The following PI4KA variants were observed in gnomAD, a reference collection of about 807,000 sequenced individuals.
PI4KA encodes PI4-kinase alpha.
PI4KA carries 122 observed loss-of-function variants against 271.4 expected under a neutral mutation model. That is an observed-to-expected ratio of 0.45 (90% confidence interval 0.39 to 0.52). The LOEUF is 0.52. PI4KA is among the 20% of genes least tolerant of loss of function. The probability of loss-of-function intolerance (pLI) is 0.00; values close to 1 mark genes in which losing one functional copy is unlikely to be tolerated. For missense variants in PI4KA, 1,969 were observed against 2,769.1 expected (o/e 0.71, Z 6.48); for synonymous variants, 1,041 against 1,078.8 (o/e 0.96, Z 0.69).
At chr22:20,836,936 T>C (rs1231325239) in intron 2 of PI4KA, among the ~76,000 whole-genome samples, 1 of 152,234 alleles carries the variant, frequency 6.6e-6, no homozygotes, top group Non-Finnish European at 1.5e-5. Context: ...TCAAGAAACG[T>C]GTTTGCCAAA....
chr22:20,779,780 T>C lies in PI4KA; in HGVS notation c.2328+13413A>G, dbSNP rs758339780. 1.9e-6 allele frequency: 3 copies of C among 1,614,114 alleles called. No homozygotes were observed. The African/African-American group carries it at 4.0e-5, about 22-fold the overall frequency. On this transcript the variant is annotated intron_variant, in intron 19 of 54. Coordinates refer to ENST00000255882, the MANE Select transcript of PI4KA (RefSeq NM_058004.4). ...TCGATAACATCTTCATAGCACCCGT[T>C]GGCATTTCTACTGCGATGGGTATGA...
chr22:20,848,047 G>C (rs1926488122), intron 1 of PI4KA, among the ~76,000 whole-genome samples: 1 of 152,010 alleles, frequency 6.6e-6, no homozygotes, highest in Non-Finnish European at 1.5e-5. Context: ...AGACCAGCCT[G>C]GCCAACATGG....
chr22:20,756,575 T>C (rs868301885), intron 23 of PI4KA, among the ~76,000 whole-genome samples: 2 of 152,158 alleles, frequency 1.3e-5, no homozygotes, highest in Admixed American at 6.5e-5. Context: ...AAATTCCTGA[T>C]AATCAGATAG....
At chr22:20,824,495 C>G (rs758647114) in intron 3 of PI4KA, 81 bp from the exon 4 acceptor site, 5 of 952,288 alleles carry the variant, frequency 5.3e-6, no homozygotes, top group Non-Finnish European at 8.0e-6. Context: ...TCAATATGTT[C>G]CCTCTCACCA....
chr22:20,784,162 A>C, intron 19 of PI4KA: 3 of 1,614,212 alleles, frequency 1.9e-6, no homozygotes, highest in Non-Finnish European at 2.5e-6. Flanking sequence ...TTGTGGTCCC[A>C]CACAAGATGT....
chr22:20,763,189 T>C (rs1181521906), intron 22 of PI4KA, among the ~76,000 whole-genome samples: 1 of 150,988 alleles, frequency 6.6e-6, no homozygotes, highest in African/African-American at 2.4e-5. Flanking sequence ...CTTGGCTCAC[T>C]GCAACCTCCA....
intron 2 of PI4KA, among the ~76,000 whole-genome samples, chr22:20,836,971 GAAC>G (rs1924942418): frequency 6.6e-6 from 1 of 151,928 alleles, no homozygotes; most frequent in Non-Finnish European, 1.5e-5. Flanking sequence ...ATCCACATTT[GAAC>G]AACAATAGTT....
intron 28 of PI4KA, among the ~76,000 whole-genome samples, chr22:20,747,983 G>A (rs888512699): frequency 3.3e-5 from 5 of 152,134 alleles, no homozygotes; most frequent in African/African-American, 2.4e-5. Flanking sequence ...TGATCCTCCC[G>A]CCTCAGCATC....
At chr22:20,748,130 C>CAGTGGGA (rs1930308718) in intron 28 of PI4KA, among the ~76,000 whole-genome samples, 1 of 152,218 alleles carries the variant, frequency 6.6e-6, no homozygotes, top group East Asian at 1.9e-4. Context: ...TCTGCCCCTC[C>CAGTGGGA]CTAACTAGCT....
At chr22:20,824,165 G>C (rs1368115001) in intron 4 of PI4KA, among the ~76,000 whole-genome samples, 161 bp downstream of exon 4, 1 of 151,354 alleles carries the variant, frequency 6.6e-6, no homozygotes, top group East Asian at 1.9e-4. Flanking sequence ...AAAGAGTAGT[G>C]AAAGACCTAA....
intron 43 of PI4KA, among the ~76,000 whole-genome samples, chr22:20,720,215 A>G (rs1926570974): frequency 6.6e-6 from 1 of 152,148 alleles, no homozygotes; most frequent in Non-Finnish European, 1.5e-5. Flanking sequence ...TGCGACGTAG[A>G]CAGACTTGAA....
At chr22:20,755,715 T>C (rs904317936) in intron 23 of PI4KA, among the ~76,000 whole-genome samples, 1 of 151,166 alleles carries the variant, frequency 6.6e-6, no homozygotes, top group African/African-American at 2.4e-5. Context: ...GGCATGAGAA[T>C]CACTTGAGCC....
Position 20,747,695 on chromosome 22 carries a change from A to G in PI4KA, c.3251T>C (p.Leu1084Pro). The G allele has an allele frequency of 1.9e-6, 3 of 1,612,884 alleles. No individual in the cohort carries two copies. Among genetic ancestry groups the G allele is most frequent in the Non-Finnish European group, 2.5e-6 (3 of 1,179,044 alleles). The change falls in exon 29 of 55, where the codon CTG becomes CCG. Residue 1084 changes from leucine (L) to proline (P), a missense_variant. Leu to Pro is a moderately conservative substitution (Grantham distance 98, BLOSUM62 -3). This residue lies in a region of PI4KA where 368 missense variants were observed against 544.3 expected (regional missense o/e 0.68). Transcript: ENST00000255882. ...CGATACCCAGTTCTGATGTTTGTTC[A>G]GATATTCCTGAAATAGGAAAAACAC... ...TVTKSHLQEY[L>P]NKHQNWVSGL...
At chr22:20,850,207 C>T (rs190982980) in intron 1 of PI4KA, among the ~76,000 whole-genome samples, 1 of 152,210 alleles carries the variant, frequency 6.6e-6, no homozygotes, top group East Asian at 1.9e-4. Flanking sequence ...CCGACCAGAA[C>T]AAAGCCCAAC....
chr22:20,824,199 C>T, intron 4 of PI4KA, 127 bp downstream of exon 4: 2 of 713,762 alleles, frequency 2.8e-6, no homozygotes, highest in South Asian at 3.0e-5. Context: ...CTGCTGTCAA[C>T]AGGATGAAAT....
intron 19 of PI4KA, among the ~76,000 whole-genome samples, chr22:20,766,261 T>G (rs1449114481): frequency 6.6e-6 from 1 of 151,954 alleles, no homozygotes; most frequent in Non-Finnish European, 1.5e-5. Flanking sequence ...AATCCCCATA[T>G]ATGTAACAGG....
At chr22:20,745,803 C>T (rs891459141) in intron 29 of PI4KA, among the ~76,000 whole-genome samples, 5 of 152,008 alleles carry the variant, frequency 3.3e-5, no homozygotes, top group Admixed American at 6.6e-5. Flanking sequence ...ACACGTTCAA[C>T]GTAATGACAC....
At position 20,786,258 on chromosome 22, in the gene PI4KA, G is replaced by A. The variant is rs774991461; in HGVS notation, c.2328+6935C>T. On this transcript the variant is annotated intron_variant, in intron 19 of 54. Transcript: ENST00000255882. The stretch of plus-strand genomic sequence containing the variant: ...CCCCAATCTCATGTCCCAGCTTGGG[G>A]TGCTGAGTCTGCTCTTCGGCCTGGG... The A allele has an allele frequency of 9.6e-6, 12 of 1,255,302 alleles. No homozygotes were observed. The Admixed American group carries it at 1.9e-4, about 20-fold the overall frequency. 77.8% of individuals were successfully genotyped at this position (1,255,302 alleles called of 1,614,324 possible). A position where few individuals can be genotyped will look rare whatever the true frequency, so the allele number is the denominator to read the frequency against.
chr22:20,715,077 T>TC (rs1441079007), intron 45 of PI4KA, among the ~76,000 whole-genome samples: 1 of 146,518 alleles, frequency 6.8e-6, no homozygotes, highest in African/African-American at 2.5e-5. Context: ...TTGGAGTCCT[T>TC]TTTTTTTTTT....
Sources: gnomAD v4.1 joint callset for allele counts (sites outside exome capture counted in the v4.1 genomes callset) on GRCh38, gnomAD v4.1.1 for gene constraint, gnomAD v4.1.1 regional missense constraint, MANE v1.5 for transcripts, NCBI Gene and HGNC (gene_info 2026-07-23, HGNC 2026-07-21) for gene names.